SLC10A6: variants seen among roughly 807,000 people sequenced by gnomAD.
SLC10A6 encodes solute carrier family 10 member 6, also known as sodium-dependent organic anion transporter.
A neutral mutation model predicts 30.0 loss-of-function variants in SLC10A6; 27 were observed. That is an observed-to-expected ratio of 0.90 (90% CI 0.66 to 1.24). SLC10A6 has a LOEUF of 1.24. Ranked by LOEUF, SLC10A6 falls within the 50% of genes most tolerant of loss-of-function variation. The probability of loss-of-function intolerance (pLI) is 0.00; values close to 1 mark genes in which losing one functional copy is unlikely to be tolerated. For missense variants in SLC10A6, 439 were observed against 457.0 expected (o/e 0.96, Z 0.36); for synonymous variants, 166 against 173.8 (o/e 0.95, Z 0.36).
intron 3 of SLC10A6, among the ~76,000 whole-genome samples, chr4:86,829,151 C>G (rs755608559): frequency 1.6e-4 from 24 of 152,184 alleles, no homozygotes; most frequent in Admixed American, 1.5e-3. Context: ...TGGCTCATGT[C>G]TGTAATCCCA....
At position 86,825,532 on chromosome 4, in the gene SLC10A6, C is replaced by T. The variant is rs1745966138; in HGVS notation, c.807G>A (p.Met269Ile). Residue 269 changes from methionine (M) to isoleucine (I), a missense_variant, in exon 5 of 6, where the codon ATG becomes ATA. Physicochemically the swap from Met to Ile is conservative, Grantham distance 10. Coordinates refer to ENST00000273905, the MANE Select transcript of SLC10A6 (RefSeq NM_197965.3). ...AAGATAACTGGAGCATGGTGATGCACATCTGAATATTCTGAGCTCCAGTTT... is the reference window on the plus strand; with the variant it reads ...AAGATAACTGGAGCATGGTGATGCATATCTGAATATTCTGAGCTCCAGTTT... ...SLETGAQNIQ[M>I]CITMLQLSFT... The T allele has an allele frequency of 1.9e-6, 3 of 1,611,368 alleles. No individual in the cohort carries two copies. The highest frequency in any genetic ancestry group is 2.5e-6 in the Non-Finnish European group (3 of 1,177,770).
At chr4:86,828,457 A>G (rs1325239580) in intron 3 of SLC10A6, among the ~76,000 whole-genome samples, 2 of 152,070 alleles carry the variant, frequency 1.3e-5, no homozygotes, top group Non-Finnish European at 2.9e-5. Context: ...ATTGGGTAGT[A>G]GAGTTCTATT....
At chr4:86,837,281 A>AAGAAAGAG (rs34533020) in intron 1 of SLC10A6, among the ~76,000 whole-genome samples, 1,755 of 90,034 alleles carry the variant, frequency 0.019, 242 homozygotes, top group African/African-American at 0.08. Context: ...GAAAGAAAGA[A>AAGAAAGAG]AGAAAAAGAA....
chr4:86,845,403 A>C (rs1746376577), intron 1 of SLC10A6, among the ~76,000 whole-genome samples: 1 of 152,210 alleles, frequency 6.6e-6, no homozygotes. Flanking sequence ...TGGAGAAGTA[A>C]AGTAGACTGG....
At position 86,833,881 on chromosome 4, in the gene SLC10A6, C is replaced by G. The variant is rs74771373; in HGVS notation, c.378-457G>C. The stretch of plus-strand genomic sequence containing the variant: ...AGCAGTCACTCCCCAATCCCTCCTT[C>G]CCCTAGCCCTTAGCAAGCACAAATC... On this transcript the variant is annotated intron_variant, in intron 1 of 5. Coordinates refer to ENST00000273905, the MANE Select transcript of SLC10A6 (RefSeq NM_197965.3). Among the ~76,000 whole-genome samples, 1,067 of 152,312 alleles carry G rather than the reference C, an allele frequency of 7.0e-3. 19 individuals carry two copies. The highest frequency in any genetic ancestry group is 0.024 in the African/African-American group (1,003 of 41,564).
intron 1 of SLC10A6, among the ~76,000 whole-genome samples, chr4:86,846,313 A>G (rs1746390785): frequency 6.6e-6 from 1 of 152,178 alleles, no homozygotes; most frequent in Non-Finnish European, 1.5e-5. Flanking sequence ...AAGACTCAAA[A>G]TCAAAATTTA....
chr4:86,831,716 C>T (rs749105704), intron 3 of SLC10A6, 76 bp downstream of exon 3: 316 of 1,225,566 alleles, frequency 2.6e-4, no homozygotes, highest in Non-Finnish European at 3.4e-4. Flanking sequence ...GCTCACTTGT[C>T]CCAGCCACTG....
chr4:86,837,356 A>T (rs1050946978), intron 1 of SLC10A6, among the ~76,000 whole-genome samples: 10 of 149,880 alleles, frequency 6.7e-5, no homozygotes, highest in Admixed American at 3.3e-4. Flanking sequence ...GCAGGCAGGC[A>T]GGCTGGGATT....
chr4:86,840,221 C>T (rs1303649039), intron 1 of SLC10A6, among the ~76,000 whole-genome samples: 1 of 151,972 alleles, frequency 6.6e-6, no homozygotes, highest in Non-Finnish European at 1.5e-5. Flanking sequence ...ACCCAGCCGA[C>T]ACTCTGGATT....
intron 1 of SLC10A6, 44 bp from the exon 2 acceptor site, chr4:86,833,468 A>T: frequency 6.8e-7 from 1 of 1,468,388 alleles, no homozygotes; most frequent in South Asian, 1.1e-5. Context: ...AGCATTGGAC[A>T]TGAAGAATTT....
At chr4:86,844,235 T>C (rs916694964) in intron 1 of SLC10A6, among the ~76,000 whole-genome samples, 2 of 152,090 alleles carry the variant, frequency 1.3e-5, no homozygotes, top group Non-Finnish European at 2.9e-5. Context: ...GCATAGAAAA[T>C]GTGCATAATC....
intron 1 of SLC10A6, among the ~76,000 whole-genome samples, chr4:86,835,493 C>T (rs1299567925): frequency 6.6e-6 from 1 of 152,086 alleles, no homozygotes. Context: ...ATGGTGAAAC[C>T]CTGTCTCTAC....
intron 1 of SLC10A6, among the ~76,000 whole-genome samples, chr4:86,839,162 G>A (rs1421624496): frequency 6.6e-6 from 1 of 150,976 alleles, no homozygotes; most frequent in Non-Finnish European, 1.5e-5. Flanking sequence ...CAGACCAGGT[G>A]CAGTGCCTCA....
chr4:86,828,836 G>A (rs1449019776), intron 3 of SLC10A6, among the ~76,000 whole-genome samples: 1 of 152,098 alleles, frequency 6.6e-6, no homozygotes, highest in Non-Finnish European at 1.5e-5. Flanking sequence ...TTGAGATTTA[G>A]ATAAAATAGG....
chr4:86,837,733 C>T, intron 1 of SLC10A6: 2 of 503,564 alleles, frequency 4.0e-6, no homozygotes, highest in Non-Finnish European at 5.1e-6. Context: ...AAAGAAGATA[C>T]CCATCAGACC....
chr4:86,828,108 C>G lies in SLC10A6; in HGVS notation c.646G>C (p.Ala216Pro). The change falls in exon 4 of 6, where the codon GCG (alanine) becomes CCG (proline). Residue 216 changes from alanine to proline, a missense_variant. Ala to Pro is a conservative substitution (Grantham distance 27). Coordinates refer to ENST00000273905, the MANE Select transcript of SLC10A6 (RefSeq NM_197965.3). The part of the protein sequence containing the change: ...LVVAVAGVVL[A>P]KGSWNSDITL... ...ATGTCTGAATTCCAAGATCCTTTCGCCAGGACCACACCAGCAACTGCGACC... is the reference window on the plus strand; with the variant it reads ...ATGTCTGAATTCCAAGATCCTTTCGGCAGGACCACACCAGCAACTGCGACC... 6.2e-7 allele frequency: 1 copy of G among 1,613,770 alleles called. No homozygotes were observed. The highest frequency in any genetic ancestry group is 8.5e-7 in the Non-Finnish European group (1 of 1,179,824).
At chr4:86,839,403 C>T (rs1746253536) in intron 1 of SLC10A6, among the ~76,000 whole-genome samples, 1 of 152,042 alleles carries the variant, frequency 6.6e-6, no homozygotes, top group Non-Finnish European at 1.5e-5. Context: ...GTGAGCTATG[C>T]TCACACCACA....
intron 1 of SLC10A6, 59 bp from the exon 2 acceptor site, chr4:86,833,483 T>G: frequency 1.5e-6 from 2 of 1,367,996 alleles, no homozygotes; most frequent in African/African-American, 2.9e-5. Flanking sequence ...GAATTTAGTC[T>G]TTACCAAAAG....
In SLC10A6 at chr4:86,842,867, TTTCTTTC is replaced by T. The variant is rs1746327354; in HGVS notation, c.377+5865_377+5871del. Among the ~76,000 whole-genome samples, 15 of 55,158 alleles carry T rather than the reference TTTCTTTC, an allele frequency of 2.7e-4. 1 individual carries two copies. The highest frequency in any genetic ancestry group is 7.3e-4 in the African/African-American group (5 of 6,804). The allele number at this position is 55,158 out of a possible 152,430, so 36.2% of individuals were successfully genotyped here. On this transcript the variant is annotated intron_variant, in intron 1 of 5. Coordinates refer to ENST00000273905, the MANE Select transcript of SLC10A6 (RefSeq NM_197965.3). ...CTTTCTTTCTTTCTTTCTTTCTTTCTTTCTTTCTTTTTTTTTTTGAGATGGAGTCTCG... is the reference window on the plus strand; with the variant it reads ...CTTTCTTTCTTTCTTTCTTTCTTTCTTTTTTTTTTTTGAGATGGAGTCTCG...
Sources: allele counts gnomAD v4.1 joint callset (sites outside exome capture counted in the v4.1 genomes callset), GRCh38; gene constraint gnomAD v4.1.1; transcripts MANE v1.5; gene names NCBI Gene and HGNC (gene_info 2026-07-23, HGNC 2026-07-21).